The following KIAA1671 variants were observed in gnomAD, a reference collection of about 807,000 sequenced individuals.
The protein encoded by KIAA1671 is KIAA1671.
In KIAA1671, 52 loss-of-function variants were observed where a neutral mutation model predicts 131.2. The ratio of observed to expected loss-of-function variants is 0.40; its 90% CI spans 0.32 to 0.50. The LOEUF is 0.50. Ranked by LOEUF, KIAA1671 falls within the 20% of genes least tolerant of loss-of-function variation. The pLI is 0.73. For synonymous variants in KIAA1671, 1,003 were observed against 961.6 expected, an observed-to-expected ratio of 1.04 and a Z score of -0.80; for missense variants, 2,360 against 2,364.2, an observed-to-expected ratio of 1.00 and a Z score of 0.04.
intron 6 of KIAA1671, among the ~76,000 whole-genome samples, chr22:25,103,579 C>T (rs1930825695): frequency 6.6e-6 from 1 of 152,116 alleles, no homozygotes; most frequent in Non-Finnish European, 1.5e-5. Context: ...AGGATAGTCT[C>T]TATCTCCTGA....
At chr22:25,033,334 G>A (rs1428655684) in intron 4 of KIAA1671, among the ~76,000 whole-genome samples, 2 of 152,070 alleles carry the variant, frequency 1.3e-5, no homozygotes, top group African/African-American at 2.4e-5. Flanking sequence ...AGGCTGCAGT[G>A]AGCCATGATC....
At chr22:25,120,061 G>C (rs1023346945) in intron 6 of KIAA1671, among the ~76,000 whole-genome samples, 7 of 152,192 alleles carry the variant, frequency 4.6e-5, no homozygotes, top group African/African-American at 1.7e-4. Context: ...TGCCTGCTGT[G>C]TGCCAGGCAC....
At chr22:25,071,378 C>T (rs1254873698) in intron 6 of KIAA1671, among the ~76,000 whole-genome samples, 2 of 152,176 alleles carry the variant, frequency 1.3e-5, no homozygotes, top group Non-Finnish European at 2.9e-5. Context: ...AGCCGCCAGT[C>T]CCAGAGTGTC....
At chr22:25,008,397 T>G (rs1924863426) in intron 1 of KIAA1671, among the ~76,000 whole-genome samples, 1 of 151,892 alleles carries the variant, frequency 6.6e-6, no homozygotes, top group Non-Finnish European at 1.5e-5. Flanking sequence ...TTCACCACCC[T>G]GTAAAATGGG....
intron 1 of KIAA1671, among the ~76,000 whole-genome samples, chr22:24,989,588 T>C (rs961903197): frequency 2.6e-5 from 4 of 152,094 alleles, no homozygotes; most frequent in African/African-American, 9.7e-5. Flanking sequence ...AATTTAGGGC[T>C]GGTCAGGGCT....
chr22:25,166,286 C>G (rs1308491307), intron 6 of KIAA1671, among the ~76,000 whole-genome samples: 1 of 152,104 alleles, frequency 6.6e-6, no homozygotes, highest in East Asian at 1.9e-4. Flanking sequence ...AGGGAGAAAA[C>G]CCATCCATCC....
chr22:25,066,666 C>G (rs1284745980), intron 6 of KIAA1671, among the ~76,000 whole-genome samples: 2 of 152,238 alleles, frequency 1.3e-5, no homozygotes, highest in African/African-American at 4.8e-5. Flanking sequence ...AAGACCATTT[C>G]CAAATATGGT....
chr22:25,051,307 A>AT (rs1927521062), intron 6 of KIAA1671: 1 of 152,136 alleles, frequency 6.6e-6, no homozygotes, highest in African/African-American at 2.4e-5. Flanking sequence ...ACCTTTTAGT[A>AT]TTGGGCTCTG....
At chr22:25,184,133 G>C (rs1447587374) in intron 10 of KIAA1671, among the ~76,000 whole-genome samples, 1 of 152,214 alleles carries the variant, frequency 6.6e-6, no homozygotes, top group Non-Finnish European at 1.5e-5. Context: ...TAACAACCAG[G>C]GGAGGTTGCA....
At chr22:25,152,241 C>G (rs1191689546) in intron 6 of KIAA1671, among the ~76,000 whole-genome samples, 2 of 152,206 alleles carry the variant, frequency 1.3e-5, no homozygotes, top group East Asian at 3.8e-4. Flanking sequence ...TTCTCACACA[C>G]CTGCATAATC....
chr22:25,159,715 T>C lies in KIAA1671; in HGVS notation c.4531-11105T>C, dbSNP rs372790232. Among the ~76,000 whole-genome samples the C allele has an allele frequency of 2.0e-5, 3 of 152,138 alleles. No individual in the cohort carries two copies. The East Asian group carries it at 5.8e-4, about 29-fold the overall frequency. ...GAAGTTGAGGCTAGAAAGGTTGAGT[T>C]GTTGTAGCTAGCAAGTGGTAGAGCT... On this transcript the variant is annotated intron_variant, in intron 6 of 12. Transcript: ENST00000358431.
intron 1 of KIAA1671, among the ~76,000 whole-genome samples, chr22:24,981,660 G>A (rs1053293346): frequency 1.3e-5 from 2 of 152,204 alleles, no homozygotes; most frequent in Non-Finnish European, 2.9e-5. Context: ...TGTAATCCCA[G>A]CGCTTTGGGA....
chr22:25,071,609 C>CCCGCCACTGCACTCCAGCCTGGGCGACA (rs1273839356), intron 6 of KIAA1671, among the ~76,000 whole-genome samples: 27 of 151,860 alleles, frequency 1.8e-4, no homozygotes, highest in South Asian at 6.3e-4. Context: ...CTCCAATAAT[C>CCCGCCACTGCACTCCAGCCTGGGCGACA]GTATTTTTGA....
chr22:25,107,395 C>T lies in KIAA1671; in HGVS notation c.4530+58031C>T, dbSNP rs553183690. 4.8e-4 allele frequency among the ~76,000 whole-genome samples: 71 copies of T among 148,608 alleles called. No individual in the cohort carries two copies. In the East Asian group the frequency reaches 7.6e-3, roughly 16 times the overall value. On this transcript the variant is annotated intron_variant, in intron 6 of 12. Coordinates refer to ENST00000358431, the MANE Select transcript of KIAA1671 (RefSeq NM_001145206.2). The stretch of plus-strand genomic sequence containing the variant: ...TCACACCACTGCACTCCAGCCTGGG[C>T]AACAGAGTGAGACTTCGTCTCAAAA...
chr22:24,957,724 C>G (rs1406998749), intron 1 of KIAA1671, among the ~76,000 whole-genome samples: 1 of 132,494 alleles, frequency 7.5e-6, no homozygotes, highest in Non-Finnish European at 1.5e-5. Context: ...ATTGCCCATG[C>G]TGGAGTGCAA....
chr22:25,139,173 T>A (rs1932768341), intron 6 of KIAA1671, among the ~76,000 whole-genome samples: 1 of 152,208 alleles, frequency 6.6e-6, no homozygotes, highest in South Asian at 2.1e-4. Context: ...AAGATATTTA[T>A]AGAAGAAATG....
intron 1 of KIAA1671, among the ~76,000 whole-genome samples, chr22:24,967,910 G>A (rs976144066): frequency 1.4e-4 from 21 of 152,190 alleles, no homozygotes; most frequent in Non-Finnish European, 2.6e-4. Flanking sequence ...GGAGAATGGC[G>A]TGAACCCAGG....
chr22:25,152,759 C>T lies in KIAA1671; in HGVS notation c.4531-18061C>T, dbSNP rs572557846. Among the ~76,000 whole-genome samples the T allele has an allele frequency of 5.9e-5, 9 of 152,230 alleles. No individual in the cohort carries two copies. In the South Asian group the frequency reaches 8.3e-4, roughly 14 times the overall value. On this transcript the variant is annotated intron_variant, in intron 6 of 12. Transcript: ENST00000358431. The stretch of plus-strand genomic sequence containing the variant: ...CTGGGATTACAGGTGCATGCCACCA[C>T]GCCCAGCCAATGTTTGTATTTTTAG...
intron 6 of KIAA1671, among the ~76,000 whole-genome samples, chr22:25,094,217 A>C (rs1381297301): frequency 6.6e-6 from 1 of 152,144 alleles, no homozygotes; most frequent in Non-Finnish European, 1.5e-5. Flanking sequence ...AAACGGGAGC[A>C]GGGAGGCCCA....
Sources: gnomAD v4.1 joint callset for allele counts (sites outside exome capture counted in the v4.1 genomes callset) on GRCh38, gnomAD v4.1.1 for gene constraint, MANE v1.5 for transcripts, NCBI Gene and HGNC (gene_info 2026-07-23, HGNC 2026-07-21) for gene names.